Variants in TBX15 observed in about 807,000 individuals in gnomAD.
TBX15 encodes the protein T-box transcription factor 15, also known as T-box transcription factor TBX15.
A neutral mutation model predicts 53.9 loss-of-function variants in TBX15; 18 were observed. The observed-to-expected ratio is 0.33, with a 90% CI of 0.23 to 0.49. The LOEUF (loss-of-function observed/expected upper bound fraction) is 0.49, where lower values mean the gene tolerates loss of function less well. Among genes scored for constraint, TBX15 ranks in the 20% least tolerant of loss-of-function variants. TBX15 has a pLI of 0.98. For missense variants in TBX15, 692 were observed against 749.5 expected (o/e 0.92, Z 0.90); for synonymous variants, 295 against 278.0 (o/e 1.06, Z -0.61).
chr1:118,934,798 G>T (rs1407659501), intron 1 of TBX15, among the ~76,000 whole-genome samples: 2 of 152,146 alleles, frequency 1.3e-5, no homozygotes, highest in Non-Finnish European at 2.9e-5. Context: ...AAAGGAAATG[G>T]GCAAGTCTGT....
At chr1:118,937,946 A>C (rs951741769) in intron 1 of TBX15, among the ~76,000 whole-genome samples, 17 of 152,214 alleles carry the variant, frequency 1.1e-4, no homozygotes, top group African/African-American at 4.1e-4. Flanking sequence ...TGTCTGTACC[A>C]GGAGCAAGTA....
intron 6 of TBX15, among the ~76,000 whole-genome samples, chr1:118,911,503 C>T (rs1051990451): frequency 6.6e-6 from 1 of 152,196 alleles, no homozygotes; most frequent in African/African-American, 2.4e-5. Flanking sequence ...GCCTTCAGGC[C>T]AGTAGAGGAA....
At chr1:118,895,950 C>T (rs927752910) in intron 7 of TBX15, among the ~76,000 whole-genome samples, 1 of 152,196 alleles carries the variant, frequency 6.6e-6, no homozygotes, top group Non-Finnish European at 1.5e-5. Context: ...CTTAGCTCTG[C>T]CACCACTTAA....
chr1:118,924,771 A>T lies in TBX15; in HGVS notation c.568T>A (p.Ser190Thr). 6.2e-7 allele frequency: 1 copy of T among 1,614,068 alleles called. No homozygotes were observed. Among genetic ancestry groups the T allele is most frequent in the Non-Finnish European group, 8.5e-7 (1 of 1,180,004 alleles). ...SKWMVAGNAD[S>T]PVPPRVYIHP... The stretch of plus-strand genomic sequence containing the variant: ...ATATAAACTCTTGGGGGCACAGGGG[A>T]ATCAGCATTGCCAGCCACCATCCAC... The change falls in exon 4 of 8, where the codon TCC becomes ACC. Residue 190 changes from serine to threonine, a missense_variant. Transcript: ENST00000369429.
intron 1 of TBX15, among the ~76,000 whole-genome samples, chr1:118,947,871 A>C (rs1436178651): frequency 6.6e-6 from 1 of 152,176 alleles, no homozygotes; most frequent in Non-Finnish European, 1.5e-5. Context: ...ACTCTTGCTG[A>C]GCAACTATTG....
At chr1:118,915,175 G>T (rs1655157557) in intron 5 of TBX15, among the ~76,000 whole-genome samples, 1 of 152,164 alleles carries the variant, frequency 6.6e-6, no homozygotes, top group Non-Finnish European at 1.5e-5. Context: ...CTTAGGCATA[G>T]GTGCTAGGGA....
intron 1 of TBX15, among the ~76,000 whole-genome samples, chr1:118,978,388 A>C (rs1007636086): frequency 2.0e-5 from 3 of 152,194 alleles, no homozygotes; most frequent in Non-Finnish European, 2.9e-5. Context: ...AAAAAGCAAA[A>C]CCAAAGTTAG....
At chr1:118,947,902 C>T (rs780687470) in intron 1 of TBX15, among the ~76,000 whole-genome samples, 2 of 152,070 alleles carry the variant, frequency 1.3e-5, no homozygotes, top group African/African-American at 4.8e-5. Flanking sequence ...AAAATGGAGA[C>T]GTTAACTGCT....
intron 1 of TBX15, among the ~76,000 whole-genome samples, chr1:118,973,363 C>T (rs969174088): frequency 6.6e-6 from 1 of 151,904 alleles, no homozygotes; most frequent in Admixed American, 6.6e-5. Flanking sequence ...TGCTTTCATG[C>T]TTTCATACTC....
At chr1:118,914,877 C>CA (rs947401327) in intron 5 of TBX15, among the ~76,000 whole-genome samples, 7 of 152,288 alleles carry the variant, frequency 4.6e-5, no homozygotes, top group Non-Finnish European at 1.0e-4. Context: ...AAATCAGAAA[C>CA]AAAGAGCCAG....
chr1:118,891,286 CTGAG>C (rs1654132652), intron 7 of TBX15, among the ~76,000 whole-genome samples: 1 of 150,758 alleles, frequency 6.6e-6, no homozygotes, highest in African/African-American at 2.5e-5. Flanking sequence ...ACTCTGTGCT[CTGAG>C]TGTCTCCGCT....
rs182934294 is a variant in TBX15 at position 118,984,456 on chromosome 1, G to C, written c.205+3135C>G. Among the ~76,000 whole-genome samples, 5 of 152,394 alleles carry C rather than the reference G, an allele frequency of 3.3e-5. No individual in the cohort carries two copies. The East Asian group carries it at 9.6e-4, about 29-fold the overall frequency. ...GCTGAGGACTCCGGGTGGAGCAGGG[G>C]CTGAGGTCCGAGCGCAGATGGCGCC... On this transcript the variant is annotated intron_variant, in intron 1 of 7. Transcript: ENST00000369429.
chr1:118,953,693 T>C (rs999800031), intron 1 of TBX15, among the ~76,000 whole-genome samples: 3 of 152,202 alleles, frequency 2.0e-5, no homozygotes, highest in Non-Finnish European at 4.4e-5. Context: ...CACAGGATTG[T>C]TCCAAGTTTT....
At position 118,885,196 on chromosome 1, in the gene TBX15, C is replaced by G. The variant is rs1345979406; in HGVS notation, c.1345G>C (p.Gly449Arg). Residue 449 changes from glycine (G) to arginine (R), a missense_variant, in exon 8 of 8, where the codon GGA (glycine) becomes CGA (arginine). Physicochemically the swap from Gly to Arg is moderately radical, Grantham distance 125. Coordinates refer to ENST00000369429, the MANE Select transcript of TBX15 (RefSeq NM_001330677.2). ...GGCAACGAGGGAGGAGTTGGTATTC[C>G]TGAGATCAGGGATGGAGTCCTCTGA... is the stretch of plus-strand genomic sequence containing the variant. Reference protein sequence around the residue: ...MPQRTPSLISGIPTPPSLPGN... With the variant: ...MPQRTPSLISRIPTPPSLPGN... The G allele has an allele frequency of 6.2e-7, 1 of 1,614,164 alleles. No individual in the cohort carries two copies. The highest frequency in any genetic ancestry group is 8.5e-7 in the Non-Finnish European group (1 of 1,180,030).
At chr1:118,974,019 C>T (rs2101706923) in intron 1 of TBX15, among the ~76,000 whole-genome samples, 1 of 152,320 alleles carries the variant, frequency 6.6e-6, no homozygotes, top group East Asian at 1.9e-4. Context: ...GCTCTGAACA[C>T]TGCAGGGAAA....
intron 7 of TBX15, among the ~76,000 whole-genome samples, chr1:118,887,861 C>T (rs1489871670): frequency 6.6e-6 from 1 of 151,906 alleles, no homozygotes; most frequent in Non-Finnish European, 1.5e-5. Context: ...GGTAGTAGTG[C>T]TGGCTATAGA....
At chr1:118,908,433 G>A (rs1160625932) in intron 6 of TBX15, among the ~76,000 whole-genome samples, 2 of 151,136 alleles carry the variant, frequency 1.3e-5, no homozygotes, top group Non-Finnish European at 2.9e-5. Flanking sequence ...CTGAAAACAG[G>A]CAAGTGTTAC....
chr1:118,891,606 A>G (rs931083179), intron 7 of TBX15, among the ~76,000 whole-genome samples: 4 of 152,280 alleles, frequency 2.6e-5, no homozygotes, highest in Non-Finnish European at 5.9e-5. Context: ...AATGGAGATG[A>G]CTCAATTAAA....
At chr1:118,952,916 T>C (rs1656563871) in intron 1 of TBX15, among the ~76,000 whole-genome samples, 1 of 152,148 alleles carries the variant, frequency 6.6e-6, no homozygotes, top group South Asian at 2.1e-4. Flanking sequence ...CTTTAGCACT[T>C]GAAGGAATGG....
Sources: allele counts gnomAD v4.1 joint callset (sites outside exome capture counted in the v4.1 genomes callset), GRCh38; gene constraint gnomAD v4.1.1; transcripts MANE v1.5; gene names NCBI Gene and HGNC (gene_info 2026-07-23, HGNC 2026-07-21).